PCDHGA7: variants seen among roughly 807,000 people sequenced by gnomAD.
PCDHGA7 encodes protocadherin gamma subfamily A, 7.
PCDHGA7 carries 44 observed loss-of-function variants against 58.3 expected under a neutral mutation model. The ratio of observed to expected loss-of-function variants is 0.75; its 90% CI spans 0.59 to 0.97. PCDHGA7 has a LOEUF of 0.97. PCDHGA7 is among the 50% of genes least tolerant of loss of function. PCDHGA7 has a pLI of 0.00. For missense variants in PCDHGA7, 1,266 were observed against 1,188.7 expected, an observed-to-expected ratio of 1.06 and a Z score of -0.96; for synonymous variants, 516 against 504.2, an observed-to-expected ratio of 1.02 and a Z score of -0.31.
At chr5:141,499,698 T>C (rs1312388510) in intron 2 of PCDHGA7, among the ~76,000 whole-genome samples, 2 of 149,810 alleles carry the variant, frequency 1.3e-5, no homozygotes, top group African/African-American at 2.5e-5. Context: ...ACTTTTTTTT[T>C]TTTTTTTTTT....
chr5:141,409,286 C>T (rs1304936825), intron 1 of PCDHGA7: 1 of 1,613,826 alleles, frequency 6.2e-7, no homozygotes, highest in African/African-American at 1.3e-5. Context: ...GAATTCACCT[C>T]CAGGAATGGT....
At chr5:141,500,215 T>G (rs888740312) in intron 2 of PCDHGA7, among the ~76,000 whole-genome samples, 8 of 150,660 alleles carry the variant, frequency 5.3e-5, no homozygotes, top group African/African-American at 1.9e-4. Context: ...TTTATTTATT[T>G]ATTTATTTAT....
At chr5:141,404,769 A>C (rs528627644) in intron 1 of PCDHGA7, 1 of 1,611,124 alleles carries the variant, frequency 6.2e-7, no homozygotes, top group South Asian at 1.1e-5. Context: ...TGGCTCTCCT[A>C]CCGCCTATTC....
chr5:141,415,017 G>A lies in PCDHGA7; in HGVS notation c.2424+29694G>A, dbSNP rs1344566574. ...CCTGGCTGTCCTACCGTCTGCTCAA[G>A]GCCAGCGAGCCGGGACTCTTCGCGG... On this transcript the variant is annotated intron_variant, in intron 1 of 3. Transcript: ENST00000518325. The A allele has an allele frequency of 1.9e-6, 3 of 1,613,574 alleles. No homozygotes were observed. In the Admixed American group the frequency reaches 5.0e-5, roughly 27 times the overall value.
chr5:141,477,794 C>G lies in PCDHGA7; in HGVS notation c.2425-17013C>G, dbSNP rs148942362. The G allele has an allele frequency of 6.2e-7, 1 of 1,614,086 alleles. No individual in the cohort carries two copies. The highest frequency in any genetic ancestry group is 1.1e-5 in the South Asian group (1 of 91,082). On this transcript the variant is annotated intron_variant, in intron 1 of 3. Transcript: ENST00000518325. This position sits in a 1 kb window ranked among gnomAD's most constrained non-coding sequence, Gnocchi z 4.9. ...CAGCGTGAACATATTTGTCACTGAT[C>G]GCAATGACAATGCCCCCCAGGTCCT...
intron 1 of PCDHGA7, among the ~76,000 whole-genome samples, chr5:141,436,181 T>A (rs1050736907): frequency 1.3e-5 from 2 of 152,092 alleles, no homozygotes; most frequent in African/African-American, 4.8e-5. Context: ...TCATATATAG[T>A]CAAATAGAAA....
chr5:141,414,783 G>C, intron 1 of PCDHGA7: 2 of 1,614,220 alleles, frequency 1.2e-6, no homozygotes, highest in Non-Finnish European at 1.7e-6. Context: ...AGATGCAGGT[G>C]ACAGCCAGCG....
In PCDHGA7 at chr5:141,476,802, C is replaced by T; in HGVS notation, c.2425-18005C>T. 2 of 1,613,638 alleles carry T rather than the reference C, an allele frequency of 1.2e-6. No homozygotes were observed. The highest frequency in any genetic ancestry group is 1.7e-6 in the Non-Finnish European group (2 of 1,180,020). On this transcript the variant is annotated intron_variant, in intron 1 of 3. Coordinates refer to ENST00000518325, the MANE Select transcript of PCDHGA7 (RefSeq NM_018920.4). The surrounding 1 kb of genome is among the most constrained non-coding windows in gnomAD (Gnocchi z 7.6). ...ACCCCAGCTCTCTCCGCCAGCCTGC[C>T]TATTCACATCAAGGTGCTGGACGCG... is the stretch of plus-strand genomic sequence containing the variant.
At chr5:141,415,966 C>A in intron 1 of PCDHGA7, 1 of 405,602 alleles carries the variant, frequency 2.5e-6, no homozygotes, top group East Asian at 5.2e-5. Context: ...AAACTCCAGC[C>A]CCTTAAGCAA....
intron 1 of PCDHGA7, among the ~76,000 whole-genome samples, chr5:141,447,787 T>C (rs1025269338): frequency 1.3e-5 from 2 of 152,106 alleles, no homozygotes; most frequent in Non-Finnish European, 2.9e-5. Context: ...TGAAAATAAA[T>C]TTAAGAAAAT....
At chr5:141,450,702 G>A (rs1466981422) in intron 1 of PCDHGA7, among the ~76,000 whole-genome samples, 1 of 152,026 alleles carries the variant, frequency 6.6e-6, no homozygotes, top group Non-Finnish European at 1.5e-5. Flanking sequence ...GCCCAGGATG[G>A]TCTCCAACTC....
chr5:141,487,622 C>T lies in PCDHGA7; in HGVS notation c.2425-7185C>T. Reference sequence around the variant, plus strand: ...TCTTCTCTATGGGCTAGAGGTGAGACCTTTGCAGGCTCAACAAATGCTTGA... The same window carrying T: ...TCTTCTCTATGGGCTAGAGGTGAGATCTTTGCAGGCTCAACAAATGCTTGA... On this transcript the variant is annotated intron_variant, in intron 1 of 3. Coordinates refer to ENST00000518325, the MANE Select transcript of PCDHGA7 (RefSeq NM_018920.4). This position sits in a 1 kb window ranked among gnomAD's most constrained non-coding sequence, Gnocchi z 5.0. 1.2e-6 allele frequency: 2 copies of T among 1,614,174 alleles called. No homozygotes were observed. Among genetic ancestry groups the T allele is most frequent in the South Asian group, 1.1e-5 (1 of 91,084 alleles).
Position 141,477,849 on chromosome 5 carries a change from A to G in PCDHGA7, c.2425-16958A>G. ...CCTCGGCCAGGTGGGAGCTCGGTGGAGATGCTGCCTCGAGGTACCTCAGCT... is the reference window on the plus strand; with the variant it reads ...CCTCGGCCAGGTGGGAGCTCGGTGGGGATGCTGCCTCGAGGTACCTCAGCT... On this transcript the variant is annotated intron_variant, in intron 1 of 3. Transcript: ENST00000518325. This position sits in a 1 kb window ranked among gnomAD's most constrained non-coding sequence, Gnocchi z 4.9. The G allele has an allele frequency of 6.8e-6, 11 of 1,612,812 alleles. No individual in the cohort carries two copies. Among genetic ancestry groups the G allele is most frequent in the Non-Finnish European group, 8.5e-6 (10 of 1,179,548 alleles).
chr5:141,413,117 C>A, intron 1 of PCDHGA7: 1 of 1,509,120 alleles, frequency 6.6e-7, no homozygotes, highest in Non-Finnish European at 8.9e-7. Context: ...ACAAAGGAAC[C>A]GGTTGAAACA....
intron 1 of PCDHGA7, among the ~76,000 whole-genome samples, chr5:141,437,434 G>T (rs183505868): frequency 2.6e-5 from 4 of 152,194 alleles, no homozygotes; most frequent in East Asian, 3.8e-4. Context: ...AGCAGCAATA[G>T]CATAGGAATG....
chr5:141,505,252 C>T (rs2099844831), intron 2 of PCDHGA7, 141 bp from the exon 3 acceptor site: 1 of 1,454,140 alleles, frequency 6.9e-7, no homozygotes, highest in Non-Finnish European at 9.2e-7. Context: ...TGTAGAAGTG[C>T]CTCCTACCTT....
rs1317150359 is a variant in PCDHGA7 at position 141,420,381 on chromosome 5, G to A, written c.2424+35058G>A. On this transcript the variant is annotated intron_variant, in intron 1 of 3. Transcript: ENST00000518325. ...TCTAGATAACTTCTTCATAGAGTTC[G>A]CAAAATATAGGTCAAATTTATGGTT... The A allele has an allele frequency of 1.1e-5, 14 of 1,298,362 alleles. No homozygotes were observed. In the Admixed American group the frequency reaches 1.3e-4, roughly 13 times the overall value. The allele number at this position is 1,298,362 out of a possible 1,614,324, so 80.4% of individuals were successfully genotyped here.
rs551129846 is a variant in PCDHGA7, at chr5:141,432,711, A to T, written c.2424+47388A>T. 5 of 1,613,944 alleles carry T rather than the reference A, an allele frequency of 3.1e-6. No individual in the cohort carries two copies. The Admixed American group carries it at 8.3e-5, about 27-fold the overall frequency. ...GTAGTGGCCGTCCAGGACCACGGCCAGCCCCCTCTCTCCGCCACTGTCACG... is the reference window on the plus strand; with the variant it reads ...GTAGTGGCCGTCCAGGACCACGGCCTGCCCCCTCTCTCCGCCACTGTCACG... On this transcript the variant is annotated intron_variant, in intron 1 of 3. Transcript: ENST00000518325. This position sits in a 1 kb window ranked among gnomAD's most constrained non-coding sequence, Gnocchi z 6.0.
intron 1 of PCDHGA7, chr5:141,422,092 G>C: frequency 6.2e-7 from 1 of 1,611,520 alleles, no homozygotes; most frequent in Non-Finnish European, 8.5e-7. Flanking sequence ...GGAAAGCAAG[G>C]CTTCTGAAAT....
Sources: allele counts gnomAD v4.1 joint callset (sites outside exome capture counted in the v4.1 genomes callset), GRCh38; gene constraint gnomAD v4.1.1; non-coding constraint Gnocchi (gnomAD v3.1); transcripts MANE v1.5; gene names NCBI Gene and HGNC (gene_info 2026-07-23, HGNC 2026-07-21).